The following GPHN variants were observed in gnomAD, a reference collection of about 807,000 sequenced individuals.
GPHN encodes gephyrin.
Under a neutral mutation model 95.5 loss-of-function variants are expected in GPHN, and 17 were observed. The observed-to-expected ratio is 0.18, with a 90% CI of 0.12 to 0.27. The LOEUF (loss-of-function observed/expected upper bound fraction) is 0.27, where lower values mean the gene tolerates loss of function less well. Ranked by LOEUF, GPHN falls within the 10% of genes least tolerant of loss-of-function variation. The pLI is 1.00. For missense variants in GPHN, 660 were observed against 978.1 expected (o/e 0.67, Z 4.34); for synonymous variants, 320 against 322.5 (o/e 0.99, Z 0.08).
At chr14:66,735,738 T>C (rs1324868482) in intron 2 of GPHN, among the ~76,000 whole-genome samples, 1 of 152,178 alleles carries the variant, frequency 6.6e-6, no homozygotes, top group Non-Finnish European at 1.5e-5. Context: ...TATCATTTTA[T>C]TGTTAATAGC....
intron 21 of GPHN, among the ~76,000 whole-genome samples, chr14:67,170,899 C>T (rs1326382364): frequency 6.6e-6 from 1 of 152,218 alleles, no homozygotes; most frequent in Non-Finnish European, 1.5e-5. Context: ...ATGCAGCTTA[C>T]ACACACCACT....
intron 3 of GPHN, among the ~76,000 whole-genome samples, chr14:66,805,915 TCA>T (rs2060521971): frequency 6.6e-6 from 1 of 152,162 alleles, no homozygotes; most frequent in Non-Finnish European, 1.5e-5. Context: ...GGCCCTCTTC[TCA>T]CAGCTCTGCT....
chr14:66,961,631 A>G (rs2068906300), intron 8 of GPHN, among the ~76,000 whole-genome samples: 1 of 151,606 alleles, frequency 6.6e-6, no homozygotes, highest in African/African-American at 2.4e-5. Flanking sequence ...CACGAGAAAA[A>G]ATCTAAATGA....
intron 5 of GPHN, among the ~76,000 whole-genome samples, chr14:66,899,876 G>C (rs2065042856): frequency 6.6e-6 from 1 of 151,794 alleles, no homozygotes; most frequent in Non-Finnish European, 1.5e-5. Context: ...GAATTCACTA[G>C]TGGAACCATC....
intron 15 of GPHN, among the ~76,000 whole-genome samples, chr14:67,112,548 A>G (rs760020388): frequency 6.6e-6 from 1 of 152,216 alleles, no homozygotes; most frequent in African/African-American, 2.4e-5. Context: ...TAAGTGGTCC[A>G]TATGGAAATT....
At chr14:66,944,085 A>G (rs2067592125) in intron 8 of GPHN, among the ~76,000 whole-genome samples, 1 of 152,230 alleles carries the variant, frequency 6.6e-6, no homozygotes, top group Non-Finnish European at 1.5e-5. Context: ...GAAAAACATA[A>G]AGGCCATTTA....
chr14:66,995,067 C>G (rs1457417221), intron 9 of GPHN, among the ~76,000 whole-genome samples: 3 of 152,116 alleles, frequency 2.0e-5, no homozygotes, highest in Non-Finnish European at 4.4e-5. Context: ...TCTCCAGTAC[C>G]TTCATTTCCC....
chr14:67,442,213 GC>G, the GPHN span, among the ~76,000 whole-genome samples: 3 of 152,052 alleles, frequency 2.0e-5, no homozygotes, highest in African/African-American at 7.2e-5. Flanking sequence ...CCATGATGTG[GC>G]CCTGCTGACA....
At chr14:67,620,840 G>A in the GPHN span, 1 of 1,596,962 alleles carries the variant, frequency 6.3e-7, no homozygotes, top group Admixed American at 1.7e-5. Context: ...TACCAAATGG[G>A]TTTTTTTCCG....
At chr14:67,185,512 A>C (rs1287411061), downstream of GPHN, among the ~76,000 whole-genome samples, 1 of 152,234 alleles carries the variant, frequency 6.6e-6, no homozygotes, top group Non-Finnish European at 1.5e-5. Context: ...GCATGTTACA[A>C]GTCTTTTTTG....
chr14:67,259,015 G>A, the GPHN span, among the ~76,000 whole-genome samples: 1 of 151,184 alleles, frequency 6.6e-6, no homozygotes, highest in South Asian at 2.1e-4. Context: ...GCTAATTTTT[G>A]TATTTTTAGT....
chr14:67,414,118 C>T, the GPHN span, among the ~76,000 whole-genome samples: 1 of 152,164 alleles, frequency 6.6e-6, no homozygotes, highest in Non-Finnish European at 1.5e-5. Flanking sequence ...TTGGCCCCAC[C>T]CAGACACAAT....
At chr14:67,563,618 A>G in the GPHN span, among the ~76,000 whole-genome samples, 25 of 150,302 alleles carry the variant, frequency 1.7e-4, no homozygotes, top group African/African-American at 6.2e-4. Context: ...TTTTTAGTAG[A>G]GGCAGGGTTT....
the GPHN span, among the ~76,000 whole-genome samples, chr14:67,190,863 T>C: frequency 6.6e-6 from 1 of 152,196 alleles, no homozygotes; most frequent in Non-Finnish European, 1.5e-5. Context: ...TTCAAAGTGC[T>C]GGGAATAATT....
In GPHN at chr14:66,842,907, A is replaced by G. The variant is rs542067967; in HGVS notation, c.294+18341A>G. Among the ~76,000 whole-genome samples, 147 of 152,008 alleles carry G rather than the reference A, an allele frequency of 9.7e-4. 1 individual carries two copies. Among genetic ancestry groups the G allele is most frequent in the Non-Finnish European group, 1.6e-3 (107 of 67,992 alleles). On this transcript the variant is annotated intron_variant, in intron 4 of 22. Transcript: ENST00000478722. The stretch of plus-strand genomic sequence containing the variant: ...GCAATAGAGTTCAGATCCATCTGCT[A>G]TTTCCATTTGTGTGCTGTTCTCTTG...
At chr14:66,876,329 A>G (rs2153531198) in intron 4 of GPHN, among the ~76,000 whole-genome samples, 1 of 152,282 alleles carries the variant, frequency 6.6e-6, no homozygotes, top group African/African-American at 2.4e-5. Context: ...CTAATATCAC[A>G]ATTAAAAGAA....
the GPHN span, chr14:67,412,315 G>A: frequency 5.3e-4 from 220 of 413,614 alleles, no homozygotes; most frequent in African/African-American, 3.7e-3. Context: ...GGTACAGAGC[G>A]GCCAACCCCG....
chr14:66,995,771 T>C (rs1252530441), intron 9 of GPHN, among the ~76,000 whole-genome samples: 2 of 152,188 alleles, frequency 1.3e-5, no homozygotes, highest in Non-Finnish European at 2.9e-5. Flanking sequence ...GGTGCCCTCT[T>C]TAATGAATAC....
chr14:67,473,250 C>T, the GPHN span: 6 of 865,048 alleles, frequency 6.9e-6, no homozygotes, highest in African/African-American at 1.7e-5. The surrounding 1 kb of genome is among the most constrained non-coding windows in gnomAD (Gnocchi z 6.5). Context: ...CACCTGACCA[C>T]GGCCCCCCAA....
Sources: gnomAD v4.1 joint callset for allele counts (sites outside exome capture counted in the v4.1 genomes callset) on GRCh38, gnomAD v4.1.1 for gene constraint, Gnocchi (gnomAD v3.1) non-coding constraint, MANE v1.5 for transcripts, NCBI Gene and HGNC (gene_info 2026-07-23, HGNC 2026-07-21) for gene names.